Variants in PCDHGA6 observed in about 807,000 individuals in gnomAD.
PCDHGA6 encodes protocadherin gamma subfamily A, 6, also known as protocadherin gamma-A6.
PCDHGA6 carries 41 observed loss-of-function variants against 60.6 expected under a neutral mutation model. The observed-to-expected ratio is 0.68, with a 90% CI of 0.53 to 0.88. The LOEUF (loss-of-function observed/expected upper bound fraction) is 0.88, where lower values mean the gene tolerates loss of function less well. PCDHGA6 is among the 40% of genes least tolerant of loss of function. PCDHGA6 has a pLI of 0.00. For missense variants in PCDHGA6, 1,312 were observed against 1,203.0 expected (o/e 1.09, Z -1.34); for synonymous variants, 594 against 524.4 (o/e 1.13, Z -1.81).
At chr5:141,430,883 G>T in intron 1 of PCDHGA6, 1 of 1,601,036 alleles carries the variant, frequency 6.2e-7, no homozygotes, top group Non-Finnish European at 8.5e-7. Context: ...GCTGGAGAAA[G>T]GCTCTAGGGT....
Position 141,487,373 on chromosome 5 carries a change from C to T in PCDHGA6, c.2425-7434C>T. 2 of 1,614,224 alleles carry T rather than the reference C, an allele frequency of 1.2e-6. No homozygotes were observed. Among genetic ancestry groups the T allele is most frequent in the Non-Finnish European group, 1.7e-6 (2 of 1,180,042 alleles). On this transcript the variant is annotated intron_variant, in intron 1 of 3. Transcript: ENST00000517434. This position sits in a 1 kb window ranked among gnomAD's most constrained non-coding sequence, Gnocchi z 5.0. ...CTTTCCTGCTGGCACCTGTGCCTGTCTCACCAGATCTCGAAGGAGGGAGGG... is the reference window on the plus strand; with the variant it reads ...CTTTCCTGCTGGCACCTGTGCCTGTTTCACCAGATCTCGAAGGAGGGAGGG...
intron 1 of PCDHGA6, among the ~76,000 whole-genome samples, chr5:141,436,320 G>A (rs1158221950): frequency 6.6e-6 from 1 of 152,120 alleles, no homozygotes; most frequent in African/African-American, 2.4e-5. Flanking sequence ...AGTCAAGACT[G>A]TTAGACCATA....
intron 1 of PCDHGA6, among the ~76,000 whole-genome samples, chr5:141,483,644 G>A (rs2099584188): frequency 6.8e-6 from 1 of 146,522 alleles, no homozygotes; most frequent in African/African-American, 2.7e-5. Context: ...AGAGGGGTGT[G>A]TGTTTGTGTG....
chr5:141,426,492 T>C (rs1439487321), intron 1 of PCDHGA6: 2 of 336,712 alleles, frequency 5.9e-6, no homozygotes, highest in African/African-American at 4.3e-5. Context: ...TTAGAGTTAG[T>C]GCAGAGAAAC....
At position 141,489,219 on chromosome 5, in the gene PCDHGA6, T is replaced by C; in HGVS notation, c.2425-5588T>C. 1 of 1,502,828 alleles carries C rather than the reference T, an allele frequency of 6.7e-7. No homozygotes were observed. Among genetic ancestry groups the C allele is most frequent in the Non-Finnish European group, 8.9e-7 (1 of 1,117,962 alleles). 93.1% of individuals were successfully genotyped at this position (1,502,828 alleles called of 1,614,324 possible). On this transcript the variant is annotated intron_variant, in intron 1 of 3. Transcript: ENST00000517434. This position sits in a 1 kb window ranked among gnomAD's most constrained non-coding sequence, Gnocchi z 4.5. ...GAGACAGGACAGCACAGACTTACTC[T>C]CCACAAAGGGACTTCTGGGTCATGG...
At chr5:141,497,212 G>C (rs968445663) in intron 2 of PCDHGA6, among the ~76,000 whole-genome samples, 2 of 151,018 alleles carry the variant, frequency 1.3e-5, no homozygotes, top group East Asian at 3.9e-4. Context: ...AGTGTAATGG[G>C]GGGGGGAAGA....
At chr5:141,501,127 T>C (rs2099805755) in intron 2 of PCDHGA6, among the ~76,000 whole-genome samples, 5 of 152,024 alleles carry the variant, frequency 3.3e-5, no homozygotes, top group Non-Finnish European at 7.4e-5. Context: ...TCAGCCTCCC[T>C]AAGTGCTGGG....
At chr5:141,405,420 T>A in intron 1 of PCDHGA6, 1 of 1,509,592 alleles carries the variant, frequency 6.6e-7, no homozygotes, top group Non-Finnish European at 9.0e-7. Flanking sequence ...TTTTTGTTTT[T>A]TGTTTTGTTT....
At chr5:141,452,106 CTCT>C (rs748460925) in intron 1 of PCDHGA6, among the ~76,000 whole-genome samples, 12 of 152,096 alleles carry the variant, frequency 7.9e-5, no homozygotes, top group South Asian at 4.1e-4. Flanking sequence ...GCTTTCTTTT[CTCT>C]TCTTATTTAT....
chr5:141,468,300 G>C (rs2099162063), intron 1 of PCDHGA6, among the ~76,000 whole-genome samples: 1 of 146,430 alleles, frequency 6.8e-6, no homozygotes, highest in Non-Finnish European at 1.5e-5. Flanking sequence ...ACCCCAGCCT[G>C]GGCAACAAGA....
chr5:141,493,346 C>T lies in PCDHGA6; in HGVS notation c.2425-1461C>T, dbSNP rs766845200. Among the ~76,000 whole-genome samples, 5 of 152,172 alleles carry T rather than the reference C, an allele frequency of 3.3e-5. No individual in the cohort carries two copies. Among genetic ancestry groups the T allele is most frequent in the Non-Finnish European group, 7.3e-5 (5 of 68,028 alleles). On this transcript the variant is annotated intron_variant, in intron 1 of 3. Coordinates refer to ENST00000517434, the MANE Select transcript of PCDHGA6 (RefSeq NM_018919.3). The surrounding 1 kb of genome is among the most constrained non-coding windows in gnomAD (Gnocchi z 4.3). Reference sequence around the variant, plus strand: ...CCCCTGTCTAACTCCAGAATGTGTGCTTTTAATTTCTTGGCACTTGGAACT... The same window carrying T: ...CCCCTGTCTAACTCCAGAATGTGTGTTTTTAATTTCTTGGCACTTGGAACT...
At chr5:141,383,709 C>T in intron 1 of PCDHGA6, 1 of 1,613,896 alleles carries the variant, frequency 6.2e-7, no homozygotes, top group Non-Finnish European at 8.5e-7. Context: ...TCGACCTGGA[C>T]GAGGGAGTCA....
At position 141,422,391 on chromosome 5, in the gene PCDHGA6, T is replaced by A. The variant is rs1036823508; in HGVS notation, c.2424+45884T>A. On this transcript the variant is annotated intron_variant, in intron 1 of 3. Transcript: ENST00000517434. ...ATGGTCAAGTCTCCTGTTTTATTCCTAACCACCTGCCTTTTAAATTAGAAA... is the reference window on the plus strand; with the variant it reads ...ATGGTCAAGTCTCCTGTTTTATTCCAAACCACCTGCCTTTTAAATTAGAAA... 2.5e-6 allele frequency: 4 copies of A among 1,591,932 alleles called. No individual in the cohort carries two copies. The African/African-American group carries it at 4.1e-5, about 16-fold the overall frequency.
intron 2 of PCDHGA6, among the ~76,000 whole-genome samples, chr5:141,502,238 T>A (rs2099813398): frequency 6.6e-6 from 1 of 152,204 alleles, no homozygotes; most frequent in Non-Finnish European, 1.5e-5. Flanking sequence ...TGTGTTCTTT[T>A]ATCCTTTTTT....
intron 1 of PCDHGA6, chr5:141,396,409 A>C (rs2093377043): frequency 6.6e-6 from 1 of 152,270 alleles, no homozygotes; most frequent in Non-Finnish European, 1.5e-5. Context: ...ACCTGAGGTC[A>C]GGAGTTCAAG....
At chr5:141,423,140 C>T (rs760216287) in intron 1 of PCDHGA6, 7 of 1,613,498 alleles carry the variant, frequency 4.3e-6, no homozygotes, top group Non-Finnish European at 2.5e-6. Flanking sequence ...GACAGAGACG[C>T]GCTCAAGCAG....
At chr5:141,407,881 C>T in intron 1 of PCDHGA6, 2 of 375,244 alleles carry the variant, frequency 5.3e-6, no homozygotes, top group Non-Finnish European at 9.5e-6. Context: ...ATATACATTT[C>T]GGAGACCGAA....
At position 141,375,342 on chromosome 5, in the gene PCDHGA6, T is replaced by C; in HGVS notation, c.1259T>C (p.Ile420Thr). Residue 420 changes from isoleucine to threonine, a missense_variant, in exon 1 of 4, where the codon ATC (isoleucine) becomes ACC (threonine). Physicochemically the swap from Ile to Thr is moderately conservative, Grantham distance 89 (BLOSUM62 -1). Transcript: ENST00000517434. ...LDREEVFLYN[I>T]TVTATDKGTP... ...CGGGAAGAGGTATTCTTGTACAACA[T>C]CACTGTGACAGCCACGGACAAAGGA... 6.2e-7 allele frequency: 1 copy of C among 1,613,798 alleles called. No homozygotes were observed. Among genetic ancestry groups the C allele is most frequent in the Non-Finnish European group, 8.5e-7 (1 of 1,179,900 alleles).
At position 141,490,289 on chromosome 5, in the gene PCDHGA6, T is replaced by C; in HGVS notation, c.2425-4518T>C. ...GATGTCAATGACAATGCCCCAGAGG[T>C]GCTATTGGCCTCTTTGGCCAACCCT... On this transcript the variant is annotated intron_variant, in intron 1 of 3. Transcript: ENST00000517434. This position sits in a 1 kb window ranked among gnomAD's most constrained non-coding sequence, Gnocchi z 5.4. The C allele has an allele frequency of 1.2e-6, 2 of 1,614,096 alleles. No homozygotes were observed. The highest frequency in any genetic ancestry group is 1.7e-6 in the Non-Finnish European group (2 of 1,180,016).
Sources: allele counts gnomAD v4.1 joint callset (sites outside exome capture counted in the v4.1 genomes callset), GRCh38; gene constraint gnomAD v4.1.1; non-coding constraint Gnocchi (gnomAD v3.1); transcripts MANE v1.5; gene names NCBI Gene and HGNC (gene_info 2026-07-23, HGNC 2026-07-21).